Variants in APBA1 observed in about 807,000 individuals in gnomAD.
The protein encoded by APBA1 is amyloid beta precursor protein binding family A member 1.
A neutral mutation model predicts 86.6 loss-of-function variants in APBA1; 55 were observed. That is an observed-to-expected ratio of 0.64 (90% CI 0.51 to 0.80). The LOEUF (loss-of-function observed/expected upper bound fraction) is 0.80. Ranked by LOEUF, APBA1 falls within the 30% of genes least tolerant of loss-of-function variation. The pLI, the probability that APBA1 is intolerant of heterozygous loss-of-function variation, is 0.00. For missense variants in APBA1, 1,090 were observed against 1,183.0 expected, an observed-to-expected ratio of 0.92 and a Z score of 1.15; for synonymous variants, 511 against 493.9, an observed-to-expected ratio of 1.03 and a Z score of -0.46.
At position 69,657,818 on chromosome 9, in the gene APBA1, C is replaced by T. The variant is rs1823641869; in HGVS notation, c.-70+14335G>A. Among the ~76,000 whole-genome samples the T allele has an allele frequency of 2.6e-5, 4 of 152,094 alleles. No individual in the cohort carries two copies. The South Asian group carries it at 8.3e-4, about 31-fold the overall frequency. ...CGTGACAAATTTACCACCTTAATAC[C>T]ATCAATTATATATTTTTAATCTTTT... On this transcript the variant is annotated intron_variant, in intron 1 of 12. Transcript: ENST00000265381.
chr9:69,591,414 T>C (rs768781337), intron 1 of APBA1, among the ~76,000 whole-genome samples: 12 of 152,200 alleles, frequency 7.9e-5, no homozygotes, highest in Non-Finnish European at 1.3e-4. Flanking sequence ...TAAGTACACA[T>C]CTGAAAGCCA....
chr9:69,580,842 TGACA>T (rs1821900511), intron 1 of APBA1, among the ~76,000 whole-genome samples: 1 of 152,150 alleles, frequency 6.6e-6, no homozygotes, highest in African/African-American at 2.4e-5. Flanking sequence ...CTTGGCAGCT[TGACA>T]GGGTTGTTCT....
intron 1 of APBA1, among the ~76,000 whole-genome samples, chr9:69,597,601 G>C (rs145315587): frequency 0.089 from 13,494 of 152,170 alleles, 952 homozygotes; most frequent in African/African-American, 0.19. Flanking sequence ...CCTATGTCTT[G>C]AATGGTAATG....
chr9:69,482,211 G>A (rs1295952883), intron 2 of APBA1, among the ~76,000 whole-genome samples: 1 of 151,970 alleles, frequency 6.6e-6, no homozygotes, highest in South Asian at 2.1e-4. Context: ...GAAAATTTTT[G>A]CAACCTACTC....
chr9:69,511,964 C>A (rs185056232), intron 2 of APBA1, among the ~76,000 whole-genome samples: 11,873 of 151,540 alleles, frequency 0.078, 523 homozygotes, highest in African/African-American at 0.098. Context: ...GGGAGATATA[C>A]CTAATGCTAG....
At chr9:69,495,113 A>C (rs1369948007) in intron 2 of APBA1, among the ~76,000 whole-genome samples, 2 of 152,052 alleles carry the variant, frequency 1.3e-5, no homozygotes, top group African/African-American at 4.8e-5. Context: ...TGAGTGGTCG[A>C]GCAGCCTTTG....
chr9:69,550,155 G>A (rs1005802540), intron 1 of APBA1, among the ~76,000 whole-genome samples: 5 of 152,164 alleles, frequency 3.3e-5, no homozygotes, highest in African/African-American at 1.2e-4. Context: ...TCCTCATGCA[G>A]CTTGCTTTCA....
In APBA1 at chr9:69,435,273, G is replaced by A. The variant is rs571172963; in HGVS notation, c.2302-2597C>T. 1.1e-4 allele frequency among the ~76,000 whole-genome samples: 16 copies of A among 152,166 alleles called. No individual in the cohort carries two copies. In the South Asian group the frequency reaches 2.9e-3, roughly 28 times the overall value. On this transcript the variant is annotated intron_variant, in intron 11 of 12. Transcript: ENST00000265381. The stretch of plus-strand genomic sequence containing the variant: ...TAAACATACGTGTGCATGTGTCTTT[G>A]CAGCAGCATGATTTATAGTCCTTTG...
intron 10 of APBA1, 63 bp from the exon 11 acceptor site, chr9:69,441,178 C>T (rs1834816245): frequency 6.4e-7 from 1 of 1,554,000 alleles, no homozygotes; most frequent in Non-Finnish European, 8.7e-7. Context: ...TAAACAAAAG[C>T]AGGCAGCACC....
chr9:69,457,014 C>A, intron 7 of APBA1, 39 bp downstream of exon 7: 1 of 1,557,414 alleles, frequency 6.4e-7, no homozygotes, highest in East Asian at 2.2e-5. Context: ...TACGATGTCA[C>A]TAAGCTTCAC....
chr9:69,427,927 C>T lies in APBA1; in HGVS notation c.*3400G>A. On this transcript the variant is annotated 3_prime_UTR_variant, in exon 13 of 13. Coordinates refer to ENST00000265381, the MANE Select transcript of APBA1 (RefSeq NM_001163.4). Reference sequence around the variant, plus strand: ...ACAAGTTCATACTCTAGGTGCTGTGCTAAGTATGTACAAGAAATGTCATTC... The same window carrying T: ...ACAAGTTCATACTCTAGGTGCTGTGTTAAGTATGTACAAGAAATGTCATTC... 1 of 152,176 alleles carries T rather than the reference C, an allele frequency of 6.6e-6. No individual in the cohort carries two copies. The allele number at this position is 152,176 out of a possible 1,614,324, so 9.4% of individuals were successfully genotyped here. A position where few individuals can be genotyped will look rare whatever the true frequency, so the allele number is the denominator to read the frequency against.
At chr9:69,490,662 C>T (rs180746863) in intron 2 of APBA1, among the ~76,000 whole-genome samples, 1,850 of 152,030 alleles carry the variant, frequency 0.012, 42 homozygotes, top group African/African-American at 0.042. Flanking sequence ...TCAGAGTGAA[C>T]AGGCAACCTA....
chr9:69,528,397 T>C (rs948375814), intron 1 of APBA1, among the ~76,000 whole-genome samples: 1 of 152,128 alleles, frequency 6.6e-6, no homozygotes, highest in Non-Finnish European at 1.5e-5. Context: ...ATCATTCATT[T>C]ATCATTCTGA....
intron 2 of APBA1, among the ~76,000 whole-genome samples, chr9:69,477,296 T>C (rs1391935020): frequency 6.6e-6 from 1 of 151,406 alleles, no homozygotes; most frequent in African/African-American, 2.4e-5. Context: ...GGGCGAGGCA[T>C]TTCCTCACTT....
intron 11 of APBA1, among the ~76,000 whole-genome samples, chr9:69,437,655 G>A (rs1834753232): frequency 9.6e-5 from 1 of 10,452 alleles, no homozygotes; most frequent in Admixed American, 9.2e-4. Context: ...GCGTCTATTT[G>A]ATTCTTCTCT....
intron 2 of APBA1, among the ~76,000 whole-genome samples, chr9:69,511,838 C>T (rs992904166): frequency 6.6e-4 from 100 of 151,950 alleles, no homozygotes; most frequent in Admixed American, 6.2e-3. Flanking sequence ...AAACCAAACA[C>T]CGCATATTCT....
At chr9:69,604,390 G>A (rs1822420536) in intron 1 of APBA1, among the ~76,000 whole-genome samples, 1 of 148,016 alleles carries the variant, frequency 6.8e-6, no homozygotes, top group South Asian at 2.2e-4. Context: ...ACACACTTGA[G>A]GGTAAGTGGA....
intron 1 of APBA1, among the ~76,000 whole-genome samples, chr9:69,637,707 CTGCCAGTTTA>C (rs1823209683): frequency 6.6e-6 from 1 of 152,138 alleles, no homozygotes. Flanking sequence ...ATAACAGTTT[CTGCCAGTTTA>C]ATGTGGACCT....
chr9:69,458,071 A>T, intron 6 of APBA1, 85 bp downstream of exon 6: 12 of 1,381,528 alleles, frequency 8.7e-6, no homozygotes, highest in Non-Finnish European at 1.2e-5. Flanking sequence ...CAGAAAACAA[A>T]AACACGAAAA....
Sources: gnomAD v4.1 joint callset for allele counts (sites outside exome capture counted in the v4.1 genomes callset) on GRCh38, gnomAD v4.1.1 for gene constraint, MANE v1.5 for transcripts, NCBI Gene and HGNC (gene_info 2026-07-23, HGNC 2026-07-21) for gene names.